GRID2: variants seen among roughly 807,000 people sequenced by gnomAD.
GRID2 encodes the protein glutamate ionotropic receptor delta type subunit 2.
GRID2 carries 33 observed loss-of-function variants against 114.8 expected under a neutral mutation model. The observed-to-expected ratio is 0.29, with a 90% CI of 0.22 to 0.38. The LOEUF (loss-of-function observed/expected upper bound fraction) is 0.38. Among genes scored for constraint, GRID2 ranks in the 10% least tolerant of loss-of-function variants. The probability of loss-of-function intolerance (pLI) is 1.00; values close to 1 mark genes in which losing one functional copy is unlikely to be tolerated. For synonymous variants in GRID2, 505 were observed against 449.9 expected (o/e 1.12, Z -1.55); for missense variants, 1,184 against 1,257.7 (o/e 0.94, Z 0.89).
At chr4:93,281,960 A>C (rs1237503326) in intron 8 of GRID2, among the ~76,000 whole-genome samples, 1 of 152,054 alleles carries the variant, frequency 6.6e-6, no homozygotes, top group South Asian at 2.1e-4. Context: ...TCTTACCATA[A>C]CATTTGAAGT....
At chr4:93,559,723 T>C (rs1398472650) in intron 13 of GRID2, among the ~76,000 whole-genome samples, 1 of 152,204 alleles carries the variant, frequency 6.6e-6, no homozygotes, top group Non-Finnish European at 1.5e-5. Context: ...GCCATCCCAT[T>C]ACTGGGTATA....
At chr4:93,567,381 C>G (rs968495760) in intron 13 of GRID2, among the ~76,000 whole-genome samples, 1 of 152,130 alleles carries the variant, frequency 6.6e-6, no homozygotes, top group African/African-American at 2.4e-5. Context: ...TAGTAACACT[C>G]GTACAAATCA....
At chr4:93,560,481 T>C (rs72670626) in intron 13 of GRID2, among the ~76,000 whole-genome samples, 11,576 of 151,938 alleles carry the variant, frequency 0.076, 597 homozygotes, top group African/African-American at 0.14. Flanking sequence ...CCAGATCTCA[T>C]GTGAACTCAC....
intron 8 of GRID2, among the ~76,000 whole-genome samples, chr4:93,292,648 A>C (rs1482863992): frequency 2.0e-5 from 3 of 152,214 alleles, no homozygotes; most frequent in Non-Finnish European, 4.4e-5. Flanking sequence ...GTACATAGTG[A>C]GAGGTTTTAA....
chr4:93,797,241 T>C (rs1009334937), intron 1 of GRID2, among the ~76,000 whole-genome samples: 9 of 152,196 alleles, frequency 5.9e-5, no homozygotes, highest in Non-Finnish European at 1.3e-4. Flanking sequence ...GTGTTAAAAT[T>C]CCACTTACAT....
At chr4:92,824,234 T>A (rs560796621) in intron 2 of GRID2, among the ~76,000 whole-genome samples, 3 of 152,180 alleles carry the variant, frequency 2.0e-5, no homozygotes, top group Admixed American at 6.6e-5. Flanking sequence ...TAAAATATCA[T>A]TAGGTTCTTA....
chr4:93,426,141 T>G (rs184047841), intron 10 of GRID2, among the ~76,000 whole-genome samples: 1 of 152,168 alleles, frequency 6.6e-6, no homozygotes, highest in Non-Finnish European at 1.5e-5. Context: ...AATAAAGCTA[T>G]TTCTATATTC....
At chr4:92,547,439 A>G (rs1305866387) in intron 1 of GRID2, among the ~76,000 whole-genome samples, 5 of 152,200 alleles carry the variant, frequency 3.3e-5, no homozygotes, top group Non-Finnish European at 7.4e-5. Context: ...TTTTAAAACA[A>G]TTGGAACAAA....
chr4:92,694,003 C>T (rs1414657869), intron 2 of GRID2, among the ~76,000 whole-genome samples: 1 of 152,034 alleles, frequency 6.6e-6, no homozygotes, highest in Non-Finnish European at 1.5e-5. Flanking sequence ...CAGATGTGGA[C>T]TATCCTTTTG....
intron 13 of GRID2, among the ~76,000 whole-genome samples, chr4:93,549,114 T>A (rs906703373): frequency 2.2e-4 from 32 of 145,784 alleles, no homozygotes; most frequent in East Asian, 1.9e-3. Context: ...TTTAAAAAAA[T>A]TTTTTTCTCT....
At chr4:92,658,244 T>C (rs1043505342) in intron 2 of GRID2, among the ~76,000 whole-genome samples, 7 of 151,880 alleles carry the variant, frequency 4.6e-5, no homozygotes, top group Non-Finnish European at 8.8e-5. Context: ...TTAGATACGG[T>C]ACTCCTTATT....
intron 2 of GRID2, among the ~76,000 whole-genome samples, chr4:92,740,930 A>G (rs1736866576): frequency 6.6e-6 from 1 of 151,968 alleles, no homozygotes; most frequent in Admixed American, 6.6e-5. Flanking sequence ...TAGTTTTATT[A>G]GTTTTATTAG....
At chr4:92,484,075 A>T (rs564809169) in intron 1 of GRID2, among the ~76,000 whole-genome samples, 4 of 152,358 alleles carry the variant, frequency 2.6e-5, no homozygotes, top group African/African-American at 9.6e-5. Flanking sequence ...ACACTGTGAT[A>T]GAACAAGGTA....
chr4:93,454,361 A>G (rs1722990820), intron 10 of GRID2, among the ~76,000 whole-genome samples: 1 of 152,082 alleles, frequency 6.6e-6, no homozygotes, highest in Non-Finnish European at 1.5e-5. Flanking sequence ...GGAATAAGTA[A>G]AACATAGCTT....
chr4:92,527,645 G>A (rs974534352), intron 1 of GRID2, among the ~76,000 whole-genome samples: 15 of 151,882 alleles, frequency 9.9e-5, no homozygotes, highest in African/African-American at 3.6e-4. Flanking sequence ...TATGGCAAAG[G>A]TAATAAGACA....
chr4:92,944,042 TGAG>T (rs1309988420), intron 2 of GRID2, among the ~76,000 whole-genome samples: 1 of 152,132 alleles, frequency 6.6e-6, no homozygotes, highest in Admixed American at 6.5e-5. Context: ...GGGACCCACT[TGAG>T]GAGGCAATCT....
At chr4:92,521,109 T>C (rs1724753417) in intron 1 of GRID2, among the ~76,000 whole-genome samples, 1 of 151,856 alleles carries the variant, frequency 6.6e-6, no homozygotes, top group Non-Finnish European at 1.5e-5. Context: ...ATTTATTGAG[T>C]TTAATATTTA....
chr4:92,668,520 C>T (rs180811691), intron 2 of GRID2, among the ~76,000 whole-genome samples: 2 of 151,542 alleles, frequency 1.3e-5, no homozygotes, highest in Admixed American at 6.6e-5. Flanking sequence ...AAACCCATAC[C>T]CTTACCTTAA....
At chr4:92,712,000 CA>C (rs1398522040) in intron 2 of GRID2, among the ~76,000 whole-genome samples, 1 of 152,138 alleles carries the variant, frequency 6.6e-6, no homozygotes, top group Non-Finnish European at 1.5e-5. Context: ...AGTCCATCTG[CA>C]AATACTCTTT....
Sources: gnomAD v4.1 joint callset for allele counts (sites outside exome capture counted in the v4.1 genomes callset) on GRCh38, gnomAD v4.1.1 for gene constraint, MANE v1.5 for transcripts, NCBI Gene and HGNC (gene_info 2026-07-23, HGNC 2026-07-21) for gene names.